Variants in EPS8 observed in about 807,000 individuals in gnomAD.
The protein encoded by EPS8 is EGFR pathway substrate 8, signaling adaptor.
EPS8 carries 42 observed loss-of-function variants against 103.8 expected under a neutral mutation model. That is an observed-to-expected ratio of 0.40 (90% CI 0.32 to 0.52). The LOEUF (loss-of-function observed/expected upper bound fraction) is 0.52. EPS8 is among the 20% of genes least tolerant of loss of function. EPS8 has a pLI of 0.40. For synonymous variants in EPS8, 344 were observed against 344.6 expected (o/e 1.00, Z 0.02); for missense variants, 969 against 1,005.1 (o/e 0.96, Z 0.49).
intron 1 of EPS8, among the ~76,000 whole-genome samples, chr12:15,756,453 A>G (rs980272328): frequency 2.6e-5 from 4 of 152,188 alleles, no homozygotes; most frequent in African/African-American, 9.7e-5. Context: ...ATAAACAAAC[A>G]CAATAAGAAA....
chr12:15,704,300 G>A lies in EPS8; in HGVS notation c.-21-21328C>T, dbSNP rs985045751. 6.6e-6 allele frequency among the ~76,000 whole-genome samples: 1 copy of A among 152,108 alleles called. No homozygotes were observed. Among genetic ancestry groups the A allele is most frequent in the African/African-American group, 2.4e-5 (1 of 41,406 alleles). On this transcript the variant is annotated intron_variant, in intron 1 of 20. Transcript: ENST00000281172. The surrounding 1 kb of genome is among the most constrained non-coding windows in gnomAD (Gnocchi z 4.6). ...CCATGCTCATATCAACATTATTCACGAGAGCCAAAAGGTAGATGCAACCCA... is the reference window on the plus strand; with the variant it reads ...CCATGCTCATATCAACATTATTCACAAGAGCCAAAAGGTAGATGCAACCCA...
At chr12:15,625,779 T>G (rs943376157) in intron 18 of EPS8, among the ~76,000 whole-genome samples, 3 of 152,060 alleles carry the variant, frequency 2.0e-5, no homozygotes, top group Non-Finnish European at 2.9e-5. Flanking sequence ...TAAGTAATAT[T>G]AAGGTGCTCT....
At position 15,757,738 on chromosome 12, in the gene EPS8, G is replaced by A. The variant is rs1467031117; in HGVS notation, c.-22+31423C>T. Among the ~76,000 whole-genome samples the A allele has an allele frequency of 2.0e-5, 3 of 152,162 alleles. No individual in the cohort carries two copies. Among genetic ancestry groups the A allele is most frequent in the Admixed American group, 1.3e-4 (2 of 15,276 alleles). Reference sequence around the variant, plus strand: ...GACATTACATGCCCCCTAATGTGATGCAACAGGAAATGCAGACCATCATTT... The same window carrying A: ...GACATTACATGCCCCCTAATGTGATACAACAGGAAATGCAGACCATCATTT... On this transcript the variant is annotated intron_variant, in intron 1 of 20. Transcript: ENST00000281172. This position sits in a 1 kb window ranked among gnomAD's most constrained non-coding sequence, Gnocchi z 4.1.
chr12:15,736,699 G>T lies in EPS8; in HGVS notation c.-22+52462C>A, dbSNP rs569913161. Among the ~76,000 whole-genome samples, 2 of 152,208 alleles carry T rather than the reference G, an allele frequency of 1.3e-5. No homozygotes were observed. Among genetic ancestry groups the T allele is most frequent in the South Asian group, 4.1e-4 (2 of 4,824 alleles). On this transcript the variant is annotated intron_variant, in intron 1 of 20. Transcript: ENST00000281172. The surrounding 1 kb of genome is among the most constrained non-coding windows in gnomAD (Gnocchi z 4.2). ...ATGTGGCAGAAAGAAGAAAGAAATT[G>T]GTGTATTATGATAATGAGAGAAAAA...
chr12:15,665,963 T>C, intron 7 of EPS8, 71 bp from the exon 8 acceptor site: 1 of 1,468,984 alleles, frequency 6.8e-7, no homozygotes, highest in Non-Finnish European at 9.3e-7. Flanking sequence ...ACTCAACTTG[T>C]GGTACTAGTT....
intron 1 of EPS8, among the ~76,000 whole-genome samples, chr12:15,774,766 G>A (rs942476333): frequency 4.0e-5 from 6 of 150,574 alleles, no homozygotes; most frequent in Non-Finnish European, 7.4e-5. Context: ...GGAAAACTCA[G>A]GGACTTTTAT....
intron 12 of EPS8, among the ~76,000 whole-genome samples, chr12:15,655,601 A>T (rs1169665198): frequency 6.6e-6 from 1 of 152,214 alleles, no homozygotes; most frequent in African/African-American, 2.4e-5. Flanking sequence ...CCAACCTCGA[A>T]CGCATTTCCA....
At position 15,749,011 on chromosome 12, in the gene EPS8, A is replaced by G. The variant is rs1378505795; in HGVS notation, c.-22+40150T>C. ...GCAAAAGCAAATACTGAGACAACTGATGCTAGAGAGAACTTAAGGCCCTTT... is the reference window on the plus strand; with the variant it reads ...GCAAAAGCAAATACTGAGACAACTGGTGCTAGAGAGAACTTAAGGCCCTTT... On this transcript the variant is annotated intron_variant, in intron 1 of 20. Transcript: ENST00000281172. This position sits in a 1 kb window ranked among gnomAD's most constrained non-coding sequence, Gnocchi z 4.0. Among the ~76,000 whole-genome samples the G allele has an allele frequency of 6.6e-6, 1 of 152,190 alleles. No homozygotes were observed. Among genetic ancestry groups the G allele is most frequent in the African/African-American group, 2.4e-5 (1 of 41,432 alleles).
Position 15,776,745 on chromosome 12 carries a change from T to C in EPS8, c.-22+12416A>G, listed in dbSNP as rs1426330623. Among the ~76,000 whole-genome samples the C allele has an allele frequency of 2.6e-5, 4 of 152,332 alleles. No individual in the cohort carries two copies. Among genetic ancestry groups the C allele is most frequent in the Admixed American group, 6.5e-5 (1 of 15,302 alleles). On this transcript the variant is annotated intron_variant, in intron 1 of 20. Coordinates refer to ENST00000281172, the MANE Select transcript of EPS8 (RefSeq NM_004447.6). This position sits in a 1 kb window ranked among gnomAD's most constrained non-coding sequence, Gnocchi z 4.2. ...AGAGCACAGTGTTAGTAAAAATGGC[T>C]GATGGGTTCTTGAGAATTTTAGCGT... is the stretch of plus-strand genomic sequence containing the variant.
intron 13 of EPS8, among the ~76,000 whole-genome samples, chr12:15,653,192 A>G (rs1220211500): frequency 6.6e-6 from 1 of 152,188 alleles, no homozygotes; most frequent in Admixed American, 6.5e-5. Flanking sequence ...CTCTCCTACG[A>G]TATTAGCATC....
intron 1 of EPS8, among the ~76,000 whole-genome samples, chr12:15,686,733 C>T (rs1025310234): frequency 6.6e-6 from 1 of 152,098 alleles, no homozygotes; most frequent in African/African-American, 2.4e-5. Context: ...GATTCCTTTT[C>T]TTTACTCTTG....
chr12:15,627,645 A>T lies in EPS8; in HGVS notation c.2045-3238T>A, dbSNP rs988052338. ...GGGCTGTTTTATAGCCAAAGTCATT[A>T]AAATCACCTTTGATTAACTTCCCTA... is the stretch of plus-strand genomic sequence containing the variant. On this transcript the variant is annotated intron_variant, in intron 18 of 20. Transcript: ENST00000281172. Among the ~76,000 whole-genome samples the T allele has an allele frequency of 5.3e-5, 8 of 152,362 alleles. 1 individual carries two copies. The highest frequency in any genetic ancestry group is 3.4e-3 in the Middle Eastern group (1 of 294).
chr12:15,774,317 CT>C (rs1947185181), intron 1 of EPS8, among the ~76,000 whole-genome samples: 1 of 142,504 alleles, frequency 7.0e-6, no homozygotes, highest in Non-Finnish European at 1.5e-5. Flanking sequence ...ATCTACCCCC[CT>C]CCTTCACCCC....
chr12:15,623,389 G>A (rs757455315), intron 19 of EPS8, 102 bp from the exon 20 acceptor site: 13 of 1,049,866 alleles, frequency 1.2e-5, no homozygotes, highest in East Asian at 2.4e-5. Flanking sequence ...TTTTCTAAGC[G>A]TTCCATACCC....
Position 15,669,535 on chromosome 12 carries a change from T to C in EPS8, c.368A>G (p.Asn123Ser). The change falls in exon 6 of 21, where the codon AAT becomes AGT. Residue 123 changes from asparagine to serine, a missense_variant and splice_region_variant. Transcript: ENST00000281172. ...AVSLIDLESKNELENFPLNTI... is the reference protein window; with the variant it reads ...AVSLIDLESKSELENFPLNTI... ...GTTTAAAGGAAAATTCTCCAGTTCA[T>C]TCTATAAATAAAGTGAACATTTTAT... The C allele has an allele frequency of 6.3e-7, 1 of 1,595,380 alleles. No homozygotes were observed. The highest frequency in any genetic ancestry group is 8.5e-7 in the Non-Finnish European group (1 of 1,170,882).
chr12:15,785,864 G>A lies in EPS8; in HGVS notation c.-22+3297C>T, dbSNP rs931491565. On this transcript the variant is annotated intron_variant, in intron 1 of 20. Transcript: ENST00000281172. This position sits in a 1 kb window ranked among gnomAD's most constrained non-coding sequence, Gnocchi z 4.9. ...GGCACTGGAGTCAAGCTGTAACAAA[G>A]TAGCATTGTATTATAACCCAAAATA... is the stretch of plus-strand genomic sequence containing the variant. Among the ~76,000 whole-genome samples the A allele has an allele frequency of 2.6e-5, 4 of 151,886 alleles. No individual in the cohort carries two copies. Among genetic ancestry groups the A allele is most frequent in the Non-Finnish European group, 4.4e-5 (3 of 67,906 alleles).
intron 8 of EPS8, chr12:15,665,308 C>T (rs1483537875): frequency 5.8e-6 from 1 of 171,988 alleles, no homozygotes; most frequent in African/African-American, 2.4e-5. Flanking sequence ...AAATTCAAGG[C>T]TTAACTTTAT....
intron 1 of EPS8, among the ~76,000 whole-genome samples, chr12:15,709,812 A>G (rs934404926): frequency 6.6e-6 from 1 of 152,092 alleles, no homozygotes; most frequent in African/African-American, 2.4e-5. Context: ...ATGGAAGACA[A>G]TTTTTCCAAG....
chr12:15,648,310 C>T (rs1435719332), intron 14 of EPS8, among the ~76,000 whole-genome samples: 2 of 152,196 alleles, frequency 1.3e-5, no homozygotes, highest in Admixed American at 6.5e-5. Flanking sequence ...CACTGGAATT[C>T]CTTGGCTGTT....
Sources: gnomAD v4.1 joint callset for allele counts (sites outside exome capture counted in the v4.1 genomes callset) on GRCh38, gnomAD v4.1.1 for gene constraint, Gnocchi (gnomAD v3.1) non-coding constraint, MANE v1.5 for transcripts, NCBI Gene and HGNC (gene_info 2026-07-23, HGNC 2026-07-21) for gene names.